The following FSTL5 variants were observed in gnomAD, a reference collection of about 807,000 sequenced individuals.
FSTL5 encodes the protein follistatin-related protein 5.
In FSTL5, 62 loss-of-function variants were observed where a neutral mutation model predicts 89.1. That is an observed-to-expected ratio of 0.70 (90% CI 0.57 to 0.86). The LOEUF (loss-of-function observed/expected upper bound fraction) is 0.86. FSTL5 is among the 40% of genes least tolerant of loss of function. The pLI is 0.00. For missense variants in FSTL5, 1,057 were observed against 1,001.6 expected (o/e 1.06, Z -0.75); for synonymous variants, 383 against 346.2 (o/e 1.11, Z -1.18).
chr4:162,150,852 T>C (rs1336494510), intron 1 of FSTL5, among the ~76,000 whole-genome samples: 2 of 152,176 alleles, frequency 1.3e-5, no homozygotes, highest in African/African-American at 4.8e-5. Flanking sequence ...CAAATATACG[T>C]TTCAAAAGTT....
intron 4 of FSTL5, among the ~76,000 whole-genome samples, chr4:161,853,840 T>C (rs1158945703): frequency 1.3e-5 from 2 of 152,148 alleles, no homozygotes; most frequent in East Asian, 3.9e-4. Context: ...GGGGGGACAT[T>C]AGCATTCTGG....
intron 8 of FSTL5, among the ~76,000 whole-genome samples, chr4:161,570,935 G>A (rs1303642267): frequency 6.6e-6 from 1 of 152,008 alleles, no homozygotes; most frequent in Non-Finnish European, 1.5e-5. Flanking sequence ...CCAACATGGT[G>A]AAACCCCGTC....
intron 5 of FSTL5, among the ~76,000 whole-genome samples, chr4:161,767,186 C>G (rs1007604626): frequency 1.3e-5 from 2 of 152,062 alleles, no homozygotes; most frequent in African/African-American, 4.8e-5. Context: ...GTTGGCCTGT[C>G]AAAAAGAATA....
chr4:161,798,674 T>C (rs962729597), intron 4 of FSTL5, among the ~76,000 whole-genome samples: 1 of 151,530 alleles, frequency 6.6e-6, no homozygotes, highest in African/African-American at 2.4e-5. Flanking sequence ...AGGTGAACAC[T>C]CAAATTTGAC....
chr4:161,813,415 T>TA (rs1419097106), intron 4 of FSTL5, among the ~76,000 whole-genome samples: 3 of 151,718 alleles, frequency 2.0e-5, no homozygotes, highest in African/African-American at 4.9e-5. Context: ...AAAGTAACAA[T>TA]AAAAAAAATT....
At chr4:162,007,150 A>G (rs1436171073) in intron 3 of FSTL5, among the ~76,000 whole-genome samples, 3 of 151,840 alleles carry the variant, frequency 2.0e-5, no homozygotes, top group East Asian at 3.9e-4. Flanking sequence ...TTAAAAAGAT[A>G]GTTGTTTAAT....
intron 4 of FSTL5, among the ~76,000 whole-genome samples, chr4:161,849,551 AC>A (rs1645051630): frequency 6.6e-6 from 1 of 151,936 alleles, no homozygotes. Flanking sequence ...ACACACACAC[AC>A]ACACACACAT....
intron 4 of FSTL5, among the ~76,000 whole-genome samples, chr4:161,872,560 C>T (rs921049218): frequency 7.2e-5 from 11 of 152,026 alleles, no homozygotes; most frequent in African/African-American, 1.9e-4. Context: ...TCAGCAAATA[C>T]GATGGAACAT....
In FSTL5 at chr4:161,992,860, AAATATATATATATATATAT is replaced by A. The variant is rs1560957292; in HGVS notation, c.160+40746_160+40764del. Among the ~76,000 whole-genome samples, 61 of 10,650 alleles carry A rather than the reference AAATATATATATATATATAT, an allele frequency of 5.7e-3. 1 individual carries two copies. Among genetic ancestry groups the A allele is most frequent in the African/African-American group, 0.014 (59 of 4,222 alleles). The allele number at this position is 10,650 out of a possible 152,430, so 7.0% of individuals were successfully genotyped here. ...GAAACTCCATCTCAAAAAAAAAAAA[AAATATATATATATATATAT>A]ATATATATATATATATATGTGTGTG... On this transcript the variant is annotated intron_variant, in intron 3 of 15. Coordinates refer to ENST00000306100, the MANE Select transcript of FSTL5 (RefSeq NM_020116.5).
At chr4:161,969,940 T>C (rs1383179646) in intron 3 of FSTL5, among the ~76,000 whole-genome samples, 2 of 152,008 alleles carry the variant, frequency 1.3e-5, no homozygotes, top group Non-Finnish European at 2.9e-5. Context: ...AGTATTACTG[T>C]GTGTGGGATT....
At chr4:161,860,603 G>A (rs1250341703) in intron 4 of FSTL5, among the ~76,000 whole-genome samples, 1 of 152,192 alleles carries the variant, frequency 6.6e-6, no homozygotes, top group Non-Finnish European at 1.5e-5. Flanking sequence ...AGACACTGGA[G>A]CTCTACAATT....
intron 4 of FSTL5, among the ~76,000 whole-genome samples, chr4:161,857,208 C>T (rs1731748148): frequency 6.6e-6 from 1 of 152,076 alleles, no homozygotes; most frequent in Non-Finnish European, 1.5e-5. Context: ...GTTACTTGGA[C>T]TAGGTGATCA....
intron 8 of FSTL5, among the ~76,000 whole-genome samples, chr4:161,549,422 G>A (rs1301647289): frequency 6.6e-6 from 1 of 151,758 alleles, no homozygotes; most frequent in Non-Finnish European, 1.5e-5. Flanking sequence ...TGAGAGAAGA[G>A]GTTTTGCCTT....
At chr4:161,654,093 C>A (rs905374515) in intron 7 of FSTL5, among the ~76,000 whole-genome samples, 1 of 151,914 alleles carries the variant, frequency 6.6e-6, no homozygotes, top group Non-Finnish European at 1.5e-5. Flanking sequence ...ATTTTAGAGA[C>A]CTGACATATC....
At chr4:161,707,576 T>C (rs1738625043) in intron 6 of FSTL5, among the ~76,000 whole-genome samples, 1 of 151,912 alleles carries the variant, frequency 6.6e-6, no homozygotes, top group Non-Finnish European at 1.5e-5. Flanking sequence ...AATGAAGGCA[T>C]TTAACATGTC....
At chr4:161,833,558 G>A (rs1270691323) in intron 4 of FSTL5, among the ~76,000 whole-genome samples, 2 of 147,516 alleles carry the variant, frequency 1.4e-5, no homozygotes, top group Admixed American at 6.9e-5. Context: ...TATGAATCTG[G>A]GTGCTCCTGT....
At chr4:161,997,037 T>C (rs894262782) in intron 3 of FSTL5, among the ~76,000 whole-genome samples, 3 of 152,206 alleles carry the variant, frequency 2.0e-5, no homozygotes, top group Non-Finnish European at 2.9e-5. Flanking sequence ...AGATCTTCCA[T>C]GGGATGAGTC....
chr4:161,521,163 C>A (rs2126515607), intron 10 of FSTL5, among the ~76,000 whole-genome samples: 1 of 152,230 alleles, frequency 6.6e-6, no homozygotes, highest in East Asian at 1.9e-4. Context: ...AGTATCTGTT[C>A]TCCTAAAACA....
intron 3 of FSTL5, among the ~76,000 whole-genome samples, chr4:161,930,879 C>A (rs962499080): frequency 6.6e-6 from 1 of 151,796 alleles, no homozygotes; most frequent in African/African-American, 2.4e-5. Context: ...ATATTCCTTT[C>A]CCGGAGCAAA....
Sources: allele counts gnomAD v4.1 joint callset (sites outside exome capture counted in the v4.1 genomes callset), GRCh38; gene constraint gnomAD v4.1.1; transcripts MANE v1.5; gene names NCBI Gene and HGNC (gene_info 2026-07-23, HGNC 2026-07-21).